Variants in METTL15 observed in about 807,000 individuals in gnomAD.
METTL15 encodes 12S rRNA N(4)-cytidine methyltransferase METTL15.
Under a neutral mutation model 38.3 loss-of-function variants are expected in METTL15, and 34 were observed. The observed-to-expected ratio is 0.89, with a 90% CI of 0.68 to 1.18. The LOEUF is 1.18. METTL15 is among the 50% of genes most tolerant of loss of function. The pLI, the probability that METTL15 is intolerant of heterozygous loss-of-function variation, is 0.00. For synonymous variants in METTL15, 162 were observed against 170.9 expected (o/e 0.95, Z 0.41); for missense variants, 438 against 498.4 (o/e 0.88, Z 1.15).
At chr11:28,509,273 G>A (rs1361536204) in intron 6 of METTL15, among the ~76,000 whole-genome samples, 1 of 152,136 alleles carries the variant, frequency 6.6e-6, no homozygotes, top group African/African-American at 2.4e-5. Context: ...TAAACATAAG[G>A]TATTCTACTT....
chr11:28,156,386 A>G (rs1223401699), intron 3 of METTL15, among the ~76,000 whole-genome samples: 4 of 152,206 alleles, frequency 2.6e-5, no homozygotes, highest in Admixed American at 6.5e-5. Flanking sequence ...AGACTTCAAC[A>G]TAAATAGATT....
chr11:28,286,432 A>G (rs1328868230), intron 4 of METTL15, among the ~76,000 whole-genome samples: 2 of 152,178 alleles, frequency 1.3e-5, no homozygotes, highest in Non-Finnish European at 2.9e-5. Context: ...AAAATATGTA[A>G]CTGAAATTAT....
At chr11:28,376,454 T>TA (rs1302056354) in intron 5 of METTL15, among the ~76,000 whole-genome samples, 2 of 152,200 alleles carry the variant, frequency 1.3e-5, no homozygotes, top group Non-Finnish European at 2.9e-5. Flanking sequence ...TTTGTTGGTT[T>TA]AAAATCTGTT....
intron 4 of METTL15, among the ~76,000 whole-genome samples, chr11:28,239,891 T>C (rs1565194571): frequency 1.3e-5 from 2 of 152,242 alleles, no homozygotes; most frequent in Non-Finnish European, 2.9e-5. Context: ...AGTACATATT[T>C]ATTTTAAATA....
At chr11:28,159,779 G>T (rs866995258) in intron 3 of METTL15, among the ~76,000 whole-genome samples, 17 of 152,240 alleles carry the variant, frequency 1.1e-4, no homozygotes, top group Middle Eastern at 3.4e-3. Flanking sequence ...GTTGTACGAA[G>T]AATAGTTGTA....
intron 5 of METTL15, among the ~76,000 whole-genome samples, chr11:28,391,588 A>C (rs1850508792): frequency 6.6e-6 from 1 of 152,148 alleles, no homozygotes; most frequent in Non-Finnish European, 1.5e-5. Flanking sequence ...CAGTAACCAA[A>C]ACAGCATGGT....
At chr11:28,451,195 G>C (rs1035041036) in intron 6 of METTL15, among the ~76,000 whole-genome samples, 1 of 152,092 alleles carries the variant, frequency 6.6e-6, no homozygotes, top group Non-Finnish European at 1.5e-5. Context: ...TCACGTCCCA[G>C]ACTACTACAG....
At chr11:28,418,149 T>C (rs1850789216) in intron 5 of METTL15, among the ~76,000 whole-genome samples, 1 of 152,150 alleles carries the variant, frequency 6.6e-6, no homozygotes, top group South Asian at 2.1e-4. Context: ...GCTGTCACTC[T>C]TTGATACTGC....
At chr11:28,225,007 A>G (rs2133871835) in intron 4 of METTL15, among the ~76,000 whole-genome samples, 1 of 151,854 alleles carries the variant, frequency 6.6e-6, no homozygotes, top group South Asian at 2.1e-4. Flanking sequence ...AGTATTTTTT[A>G]AGATAAAAAG....
chr11:28,321,648 T>G (rs1436083713), intron 6 of METTL15, among the ~76,000 whole-genome samples: 1 of 152,140 alleles, frequency 6.6e-6, no homozygotes, highest in Non-Finnish European at 1.5e-5. Context: ...ATTTTTATTT[T>G]TATATACTTT....
At chr11:28,431,261 C>T (rs1164510746) in intron 6 of METTL15, among the ~76,000 whole-genome samples, 9 of 145,234 alleles carry the variant, frequency 6.2e-5, no homozygotes, top group Non-Finnish European at 9.2e-5. Context: ...GCCCAGCCAC[C>T]ACCCCGTCTG....
At chr11:28,369,591 TTAG>T (rs1850222887) in intron 5 of METTL15, among the ~76,000 whole-genome samples, 1 of 152,080 alleles carries the variant, frequency 6.6e-6, no homozygotes, top group African/African-American at 2.4e-5. Context: ...CCATAAATTA[TTAG>T]TAGATTTCTC....
At chr11:28,130,163 A>G (rs2133628921) in intron 3 of METTL15, among the ~76,000 whole-genome samples, 1 of 152,140 alleles carries the variant, frequency 6.6e-6, no homozygotes, top group South Asian at 2.1e-4. Flanking sequence ...AAAAAAAATA[A>G]TGCTGTATAT....
At chr11:28,427,291 A>C (rs963633200) in intron 6 of METTL15, among the ~76,000 whole-genome samples, 7 of 152,044 alleles carry the variant, frequency 4.6e-5, no homozygotes, top group African/African-American at 1.7e-4. Context: ...CCCTTGGTCT[A>C]TGTGTCTATT....
intron 6 of METTL15, among the ~76,000 whole-genome samples, chr11:28,474,248 T>G (rs1193308392): frequency 4.0e-5 from 6 of 151,770 alleles, no homozygotes; most frequent in African/African-American, 1.5e-4. Flanking sequence ...ATATTTATTA[T>G]AAATATTTAT....
At chr11:28,131,198 GCA>G (rs1483766618) in intron 3 of METTL15, among the ~76,000 whole-genome samples, 52 of 152,134 alleles carry the variant, frequency 3.4e-4, no homozygotes, top group Non-Finnish European at 5.9e-5. Context: ...CTTCTATTTT[GCA>G]CAGTGACCAA....
At chr11:28,484,339 T>G (rs1190479946) in intron 6 of METTL15, among the ~76,000 whole-genome samples, 1 of 152,140 alleles carries the variant, frequency 6.6e-6, no homozygotes, top group Admixed American at 6.6e-5. Context: ...GGCAGTCTGG[T>G]TTCAGAGCCA....
chr11:28,476,602 A>G (rs368017054), intron 6 of METTL15, among the ~76,000 whole-genome samples: 1 of 152,148 alleles, frequency 6.6e-6, no homozygotes, highest in Non-Finnish European at 1.5e-5. Flanking sequence ...GTTAATCAAT[A>G]TGTCCTCGTT....
At chr11:28,380,026 C>G (rs1251545474) in intron 5 of METTL15, among the ~76,000 whole-genome samples, 1 of 151,916 alleles carries the variant, frequency 6.6e-6, no homozygotes, top group Non-Finnish European at 1.5e-5. Flanking sequence ...GTAGCTATTC[C>G]TGCTCTTTTT....
Sources: allele counts gnomAD v4.1 joint callset (sites outside exome capture counted in the v4.1 genomes callset), GRCh38; gene constraint gnomAD v4.1.1; transcripts MANE v1.5; gene names NCBI Gene and HGNC (gene_info 2026-07-23, HGNC 2026-07-21).